The following CACNA1C variants were observed in gnomAD, a reference collection of about 807,000 sequenced individuals.
CACNA1C encodes the protein voltage-dependent L-type calcium channel subunit alpha-1C.
CACNA1C carries 30 observed loss-of-function variants against 229.0 expected under a neutral mutation model. The observed-to-expected ratio is 0.13, with a 90% CI of 0.10 to 0.18. CACNA1C has a LOEUF of 0.18. Ranked by LOEUF, CACNA1C falls within the 10% of genes least tolerant of loss-of-function variation. The pLI is 1.00. For missense variants in CACNA1C, 1,658 were observed against 2,845.0 expected, an observed-to-expected ratio of 0.58 and a Z score of 9.49; for synonymous variants, 1,114 against 1,132.5, an observed-to-expected ratio of 0.98 and a Z score of 0.33.
intron 15 of CACNA1C, 49 bp from the exon 16 acceptor site, chr12:2,584,454 C>T: frequency 1.4e-6 from 2 of 1,453,880 alleles, no homozygotes; most frequent in Non-Finnish European, 1.9e-6. Flanking sequence ...CCTGTGCCCA[C>T]CAAAACCCCA....
intron 1 of CACNA1C, among the ~76,000 whole-genome samples, chr12:2,006,524 G>C (rs1438273317): frequency 6.6e-6 from 1 of 152,206 alleles, no homozygotes; most frequent in African/African-American, 2.4e-5. Context: ...TTAAATATTA[G>C]AACAACTGTG....
intron 45 of CACNA1C, among the ~76,000 whole-genome samples, chr12:2,687,733 T>A (rs569865192): frequency 6.6e-6 from 1 of 152,292 alleles, no homozygotes; most frequent in South Asian, 2.1e-4. Flanking sequence ...GAGACTGGGT[T>A]ACTCCGTGTT....
chr12:2,628,238 C>T (rs1288624917), intron 29 of CACNA1C, among the ~76,000 whole-genome samples: 1 of 152,210 alleles, frequency 6.6e-6, no homozygotes, highest in African/African-American at 2.4e-5. Context: ...CCTCGCAGCT[C>T]TCCTGTAACA....
At chr12:2,524,259 A>C (rs991574238) in intron 9 of CACNA1C, among the ~76,000 whole-genome samples, 2 of 152,208 alleles carry the variant, frequency 1.3e-5, no homozygotes, top group African/African-American at 4.8e-5. Flanking sequence ...ACATTAACAC[A>C]CATTTAAGTC....
At chr12:2,150,286 A>G (rs1260773240) in intron 3 of CACNA1C, among the ~76,000 whole-genome samples, 1 of 152,192 alleles carries the variant, frequency 6.6e-6, no homozygotes, top group Non-Finnish European at 1.5e-5. Flanking sequence ...CAGCCACTAC[A>G]TGGAAGAAAG....
At chr12:2,517,115 G>A (rs2099798528) in intron 9 of CACNA1C, among the ~76,000 whole-genome samples, 1 of 152,220 alleles carries the variant, frequency 6.6e-6, no homozygotes, top group African/African-American at 2.4e-5. Flanking sequence ...TAGCAATGTG[G>A]GGCTCACTTG....
chr12:1,975,093 A>G (rs937006460), intron 1 of CACNA1C, among the ~76,000 whole-genome samples: 1 of 152,182 alleles, frequency 6.6e-6, no homozygotes, highest in African/African-American at 2.4e-5. Context: ...AAAGGAGCCT[A>G]GTGCTACTTC....
intron 9 of CACNA1C, among the ~76,000 whole-genome samples, chr12:2,534,282 G>A (rs577764723): frequency 2.0e-5 from 3 of 152,282 alleles, no homozygotes; most frequent in South Asian, 4.1e-4. Flanking sequence ...ATCAGAGGGC[G>A]AATGCTGGAA....
chr12:2,325,897 A>G (rs2096268105), intron 3 of CACNA1C, among the ~76,000 whole-genome samples: 1 of 152,210 alleles, frequency 6.6e-6, no homozygotes, highest in Admixed American at 6.5e-5. Flanking sequence ...TCCTTCAGAC[A>G]TCGCCACCAG....
chr12:2,368,521 TACA>T (rs535434186), intron 3 of CACNA1C, among the ~76,000 whole-genome samples: 30 of 152,256 alleles, frequency 2.0e-4, no homozygotes, highest in Non-Finnish European at 4.1e-4. Context: ...AATTCCTATT[TACA>T]ACAATTACAA....
chr12:1,973,517 C>A (rs930700629), intron 1 of CACNA1C, among the ~76,000 whole-genome samples: 3 of 152,160 alleles, frequency 2.0e-5, no homozygotes, highest in Non-Finnish European at 2.9e-5. Flanking sequence ...CAGATTTAAT[C>A]TTTTAGAAAG....
intron 3 of CACNA1C, among the ~76,000 whole-genome samples, chr12:2,380,138 C>T (rs1013798064): frequency 6.6e-6 from 1 of 152,102 alleles, no homozygotes; most frequent in Non-Finnish European, 1.5e-5. Flanking sequence ...GTGTTCAACA[C>T]TCTGCCCAAG....
Position 2,629,449 on chromosome 12 carries a change from A to G in CACNA1C, c.3829-4848A>G, listed in dbSNP as rs73243560. On this transcript the variant is annotated intron_variant, in intron 29 of 46. Coordinates refer to ENST00000399655, the MANE Select transcript of CACNA1C (RefSeq NM_000719.7). ...TCTGGGACCAGAAGAAAGCAATAAA[A>G]GATCAGGACACATGTGCCTTGTGGA... 8.8e-3 allele frequency among the ~76,000 whole-genome samples: 1,339 copies of G among 152,338 alleles called. 26 individuals carry two copies. The highest frequency in any genetic ancestry group is 0.031 in the African/African-American group (1,292 of 41,576).
chr12:2,205,559 C>T (rs1008834577), intron 3 of CACNA1C, among the ~76,000 whole-genome samples: 7 of 152,194 alleles, frequency 4.6e-5, no homozygotes, highest in Non-Finnish European at 8.8e-5. Context: ...CTGTCACCCC[C>T]AGTAGATGGT....
chr12:2,580,761 T>C lies in CACNA1C; in HGVS notation c.1896-829T>C, dbSNP rs369021023. On this transcript the variant is annotated intron_variant, in intron 13 of 46. Coordinates refer to ENST00000399655, the MANE Select transcript of CACNA1C (RefSeq NM_000719.7). ...CCCCAGGAATCCCACTGAAAGCCCA[T>C]GTCCCCTCAGGACCGAGCTCCTGCC... Among the ~76,000 whole-genome samples the C allele has an allele frequency of 4.6e-5, 7 of 152,308 alleles. No individual in the cohort carries two copies. In the South Asian group the frequency reaches 6.2e-4, roughly 14 times the overall value.
At chr12:2,151,127 C>T (rs1861979680) in intron 3 of CACNA1C, among the ~76,000 whole-genome samples, 1 of 152,124 alleles carries the variant, frequency 6.6e-6, no homozygotes. Context: ...GTACAGGATT[C>T]CTATGGCCAC....
At chr12:2,564,151 C>T (rs2049002344) in intron 11 of CACNA1C, among the ~76,000 whole-genome samples, 1 of 152,216 alleles carries the variant, frequency 6.6e-6, no homozygotes, top group African/African-American at 2.4e-5. Context: ...CAGACACACA[C>T]ACACCGGAAA....
chr12:2,539,069 G>A, intron 9 of CACNA1C, among the ~76,000 whole-genome samples: 1 of 152,192 alleles, frequency 6.6e-6, no homozygotes, highest in Admixed American at 6.5e-5. Context: ...CTCTCCCCTT[G>A]GGCACCTAAC....
Position 2,348,539 on chromosome 12 carries a change from C to T in CACNA1C, c.478-100437C>T, listed in dbSNP as rs765898288. ...TCCCCGAGGGAATGGGCTCATACGC[C>T]GGGTGGGCAAGGATTTCAAGTCGTC... is the stretch of plus-strand genomic sequence containing the variant. On this transcript the variant is annotated intron_variant, in intron 3 of 46. Coordinates refer to ENST00000399655, the MANE Select transcript of CACNA1C (RefSeq NM_000719.7). The surrounding 1 kb of genome is among the most constrained non-coding windows in gnomAD (Gnocchi z 4.7). Among the ~76,000 whole-genome samples, 2 of 152,172 alleles carry T rather than the reference C, an allele frequency of 1.3e-5. No individual in the cohort carries two copies. Among genetic ancestry groups the T allele is most frequent in the Admixed American group, 6.5e-5 (1 of 15,276 alleles).
Sources: gnomAD v4.1 joint callset for allele counts (sites outside exome capture counted in the v4.1 genomes callset) on GRCh38, gnomAD v4.1.1 for gene constraint, Gnocchi (gnomAD v3.1) non-coding constraint, MANE v1.5 for transcripts, NCBI Gene and HGNC (gene_info 2026-07-23, HGNC 2026-07-21) for gene names.